The following TBL1XR1 variants were observed in gnomAD, a reference collection of about 807,000 sequenced individuals.
TBL1XR1 encodes TBL1X/Y related 1, also known as F-box-like/WD repeat-containing protein TBL1XR1.
A neutral mutation model predicts 66.9 loss-of-function variants in TBL1XR1; 5 were observed. The observed-to-expected ratio is 0.07, with a 90% CI of 0.04 to 0.16. The LOEUF is 0.16. Among genes scored for constraint, TBL1XR1 ranks in the 10% least tolerant of loss-of-function variants. TBL1XR1 has a pLI of 1.00. For synonymous variants in TBL1XR1, 210 were observed against 206.0 expected (o/e 1.02, Z -0.17); for missense variants, 238 against 623.2 (o/e 0.38, Z 6.58).
At chr3:177,179,289 T>C (rs1033201957) in intron 1 of TBL1XR1, among the ~76,000 whole-genome samples, 2 of 152,160 alleles carry the variant, frequency 1.3e-5, no homozygotes, top group African/African-American at 4.8e-5. Context: ...TTAGTGTACT[T>C]TGAGCTCGAC....
Position 177,187,191 on chromosome 3 carries a change from C to T in TBL1XR1, c.-122+9930G>A, listed in dbSNP as rs368800354. Among the ~76,000 whole-genome samples the T allele has an allele frequency of 2.0e-5, 3 of 147,048 alleles. No homozygotes were observed. The East Asian group carries it at 6.0e-4, about 29-fold the overall frequency. On this transcript the variant is annotated intron_variant, in intron 1 of 15. Transcript: ENST00000457928. ...CAAAAAAAAAAAAAAGTCAGGAGTT[C>T]GAGACCAACCTGGCCAACATGGCAA...
intron 10 of TBL1XR1, among the ~76,000 whole-genome samples, chr3:177,039,764 G>A (rs1235667704): frequency 6.6e-6 from 1 of 152,202 alleles, no homozygotes; most frequent in East Asian, 1.9e-4. Flanking sequence ...GGCTTTTATA[G>A]TGCAATGGGG....
In TBL1XR1 at chr3:177,026,360, T is replaced by C; in HGVS notation, c.1518+13A>G. The C allele has an allele frequency of 6.2e-7, 1 of 1,607,904 alleles. No homozygotes were observed. Among genetic ancestry groups the C allele is most frequent in the Non-Finnish European group, 8.5e-7 (1 of 1,175,750 alleles). On this transcript the variant is annotated intron_variant, in intron 15 of 15. Transcript: ENST00000457928. Reference sequence around the variant, plus strand: ...CACCCACACCCTCTTTGGAAACACTTTACTATACTTACTGAACCATCTGAT... The same window carrying C: ...CACCCACACCCTCTTTGGAAACACTCTACTATACTTACTGAACCATCTGAT...
chr3:177,163,254 C>A (rs918574077), intron 1 of TBL1XR1, among the ~76,000 whole-genome samples: 1 of 152,106 alleles, frequency 6.6e-6, no homozygotes. Context: ...CGCTTGTAAT[C>A]CCAGCACTTT....
At chr3:177,077,455 A>T (rs965941299) in intron 2 of TBL1XR1, among the ~76,000 whole-genome samples, 6 of 152,216 alleles carry the variant, frequency 3.9e-5, no homozygotes, top group Middle Eastern at 3.4e-3. Flanking sequence ...TTATATTCAC[A>T]TAATACAAAT....
intron 1 of TBL1XR1, chr3:177,163,861 G>A (rs1000511176): frequency 6.6e-6 from 1 of 151,960 alleles, no homozygotes; most frequent in African/African-American, 2.4e-5. Context: ...TATACACATA[G>A]ATATACACAT....
chr3:177,118,789 C>A (rs150885515), intron 1 of TBL1XR1, among the ~76,000 whole-genome samples: 1 of 151,250 alleles, frequency 6.6e-6, no homozygotes, highest in South Asian at 2.1e-4. Context: ...TGGCAAGTGT[C>A]GTATTTTGTC....
chr3:177,134,372 CAG>C (rs1390702061), intron 1 of TBL1XR1, among the ~76,000 whole-genome samples: 1 of 152,080 alleles, frequency 6.6e-6, no homozygotes, highest in Non-Finnish European at 1.5e-5. Flanking sequence ...CTATTGGGAG[CAG>C]AGAGAAAGAG....
At chr3:177,031,120 A>G (rs1560096669) in intron 14 of TBL1XR1, among the ~76,000 whole-genome samples, 1 of 152,150 alleles carries the variant, frequency 6.6e-6, no homozygotes, top group Non-Finnish European at 1.5e-5. Context: ...CTCAAAAAAT[A>G]AAAATAAAAA....
intron 1 of TBL1XR1, among the ~76,000 whole-genome samples, chr3:177,141,591 G>A (rs1729639891): frequency 6.6e-6 from 1 of 152,190 alleles, no homozygotes; most frequent in Non-Finnish European, 1.5e-5. Flanking sequence ...GCTGTATTTG[G>A]TGAATAGAAT....
upstream of TBL1XR1, among the ~76,000 whole-genome samples, chr3:177,197,929 G>T (rs182061379): frequency 9.0e-3 from 1,356 of 150,498 alleles, 23 homozygotes; most frequent in African/African-American, 0.031. Flanking sequence ...GGGGCGGGGA[G>T]GCCCGCGCGG....
rs185338799 is a variant in TBL1XR1, at chr3:177,045,783, A to G, written c.925+346T>C. On this transcript the variant is annotated intron_variant, in intron 10 of 15. Coordinates refer to ENST00000457928, the MANE Select transcript of TBL1XR1 (RefSeq NM_024665.7). ...TTTACAGACAGTGAAAAGGAGGCTC[A>G]GAAAGGTTAAGTGACTTGCTCAGTC... Among the ~76,000 whole-genome samples, 181 of 152,276 alleles carry G rather than the reference A, an allele frequency of 1.2e-3. 2 individuals are homozygous for G. Among genetic ancestry groups the G allele is most frequent in the East Asian group, 7.7e-4 (4 of 5,192 alleles).
rs148079358 is a variant in TBL1XR1, at chr3:177,063,967, T to C, written c.58+953A>G. Among the ~76,000 whole-genome samples, 174 of 152,308 alleles carry C rather than the reference T, an allele frequency of 1.1e-3. 1 individual carries two copies. Among genetic ancestry groups the C allele is most frequent in the African/African-American group, 4.0e-3 (165 of 41,570 alleles). ...TCTCAGACCGAAAGCCATGTTTGTA[T>C]TCCTTGCATAGGAAAGGACAACTAA... is the stretch of plus-strand genomic sequence containing the variant. On this transcript the variant is annotated intron_variant, in intron 3 of 15. Transcript: ENST00000457928.
chr3:177,174,671 CA>C (rs1193632992), intron 1 of TBL1XR1, among the ~76,000 whole-genome samples: 4 of 152,034 alleles, frequency 2.6e-5, no homozygotes, highest in Non-Finnish European at 5.9e-5. Flanking sequence ...GCATTTTTTG[CA>C]GAATTCAGAA....
At chr3:177,170,984 A>C (rs555387236) in intron 1 of TBL1XR1, among the ~76,000 whole-genome samples, 1 of 152,290 alleles carries the variant, frequency 6.6e-6, no homozygotes, top group South Asian at 2.1e-4. Context: ...CCACTGAGTG[A>C]ATAACTGTGG....
At chr3:177,094,401 G>A (rs544255549) in intron 2 of TBL1XR1, among the ~76,000 whole-genome samples, 5 of 152,308 alleles carry the variant, frequency 3.3e-5, no homozygotes, top group African/African-American at 1.2e-4. Context: ...AACCATTATG[G>A]AAATCAATGT....
chr3:177,184,189 T>C (rs985864762), intron 1 of TBL1XR1, among the ~76,000 whole-genome samples: 6 of 152,186 alleles, frequency 3.9e-5, no homozygotes, highest in African/African-American at 1.2e-4. Flanking sequence ...CAATTGCAAA[T>C]GACACCAACT....
intron 2 of TBL1XR1, among the ~76,000 whole-genome samples, chr3:177,071,031 G>GTTTTTTGTTTT (rs1553825626): frequency 9.5e-6 from 1 of 104,716 alleles, no homozygotes; most frequent in East Asian, 3.3e-4. Flanking sequence ...CTGAGAATCT[G>GTTTTTTGTTTT]TTTTTTTTTT....
Position 177,094,977 on chromosome 3 carries a change from AAAG to A in TBL1XR1, c.-46+3486_-46+3488del, listed in dbSNP as rs528040724. On this transcript the variant is annotated intron_variant, in intron 2 of 15. Coordinates refer to ENST00000457928, the MANE Select transcript of TBL1XR1 (RefSeq NM_024665.7). Reference sequence around the variant, plus strand: ...CCCCCAAAAACCGACTGAAATAAAAAAAGAATAAAAAAATAAAGAAAATGCGTT... The same window carrying A: ...CCCCCAAAAACCGACTGAAATAAAAAAATAAAAAAATAAAGAAAATGCGTT... Among the ~76,000 whole-genome samples, 444 of 152,240 alleles carry A rather than the reference AAAG, an allele frequency of 2.9e-3. 7 individuals carry two copies. Among genetic ancestry groups the A allele is most frequent in the African/African-American group, 9.8e-3 (408 of 41,542 alleles).
Sources: allele counts gnomAD v4.1 joint callset (sites outside exome capture counted in the v4.1 genomes callset), GRCh38; gene constraint gnomAD v4.1.1; transcripts MANE v1.5; gene names NCBI Gene and HGNC (gene_info 2026-07-23, HGNC 2026-07-21).